Variants in PPP1R13L observed in about 807,000 individuals in gnomAD.
PPP1R13L encodes relA-associated inhibitor.
Under a neutral mutation model 80.9 loss-of-function variants are expected in PPP1R13L, and 50 were observed. The ratio of observed to expected loss-of-function variants is 0.62; its 90% CI spans 0.49 to 0.78. The LOEUF (loss-of-function observed/expected upper bound fraction) is 0.78, where lower values mean the gene tolerates loss of function less well. Among genes scored for constraint, PPP1R13L ranks in the 30% least tolerant of loss-of-function variants. The pLI is 0.00. For synonymous variants in PPP1R13L, 602 were observed against 534.3 expected (o/e 1.13, Z -1.75); for missense variants, 1,200 against 1,205.9 (o/e 1.00, Z 0.07).
chr19:45,392,589 TTG>T, intron 7 of PPP1R13L: 1 of 608,084 alleles, frequency 1.6e-6, no homozygotes, highest in Non-Finnish European at 3.0e-6. Context: ...CACCACTGCT[TTG>T]TGAGGTAGAT....
intron 12 of PPP1R13L, among the ~76,000 whole-genome samples, chr19:45,382,235 GAAAT>G (rs1339081867): frequency 1.3e-5 from 2 of 150,998 alleles, no homozygotes; most frequent in Admixed American, 1.3e-4. Context: ...CTCCGTTTCA[GAAAT>G]AAATAAATAA....
At chr19:45,391,809 T>A in intron 8 of PPP1R13L, 71 bp downstream of exon 8, 7 of 1,229,968 alleles carry the variant, frequency 5.7e-6, no homozygotes, top group Non-Finnish European at 6.5e-6. Flanking sequence ...CCACTATATT[T>A]GGGGGGCTCT....
chr19:45,383,293 CTTTTTT>C (rs1164667426), intron 11 of PPP1R13L, among the ~76,000 whole-genome samples: 9 of 62,826 alleles, frequency 1.4e-4, no homozygotes, highest in Admixed American at 4.2e-4. Flanking sequence ...CGCGCCCGGC[CTTTTTT>C]TTTTTTTTTT....
intron 1 of PPP1R13L, among the ~76,000 whole-genome samples, chr19:45,399,441 G>A (rs1212459868): frequency 2.0e-5 from 3 of 148,738 alleles, no homozygotes; most frequent in East Asian, 2.1e-4. Flanking sequence ...TGGCTAACAT[G>A]GTGAAACCCC....
chr19:45,392,398 T>C, intron 7 of PPP1R13L, 58 bp from the exon 8 acceptor site: 1 of 1,525,514 alleles, frequency 6.6e-7, no homozygotes, highest in Non-Finnish European at 9.1e-7. Context: ...CAACACTCCC[T>C]CTCCACAACT....
rs1972732684 is a variant in PPP1R13L at position 45,380,050 on chromosome 19, G to A, written c.*140C>T. 1.1e-6 allele frequency: 1 copy of A among 919,140 alleles called. No homozygotes were observed. Among genetic ancestry groups the A allele is most frequent in the Non-Finnish European group, 1.7e-6 (1 of 592,024 alleles). 56.9% of individuals were successfully genotyped at this position (919,140 alleles called of 1,614,324 possible). ...CCCTCCTTCTTCCCTGGACTTCCAG[G>A]AGAACAGAGAACCGGTGGCAAGGAC... On this transcript the variant is annotated 3_prime_UTR_variant, in exon 13 of 13. Transcript: ENST00000360957.
At position 45,392,174 on chromosome 19, in the gene PPP1R13L, C is replaced by T; in HGVS notation, c.1521G>A (p.Leu507=). The part of the protein sequence containing the change: ...LPPEAQSVPE[L]EEVARVLAEI... The stretch of plus-strand genomic sequence containing the variant: ...CCGCCAACACCCGTGCCACCTCCTC[C>T]AGCTCGGGCACCGACTGTGCCTCCG... Residue 507 remains leucine, a synonymous_variant, in exon 8 of 13, where the codon CTG becomes CTA. Transcript: ENST00000360957. The T allele has an allele frequency of 6.2e-7, 1 of 1,607,254 alleles. No individual in the cohort carries two copies. Among genetic ancestry groups the T allele is most frequent in the South Asian group, 1.1e-5 (1 of 90,552 alleles).
At position 45,391,971 on chromosome 19, in the gene PPP1R13L, G is replaced by T; in HGVS notation, c.1724C>A (p.Ala575Asp). 6.6e-7 allele frequency: 1 copy of T among 1,521,346 alleles called. No homozygotes were observed. The allele number at this position is 1,521,346 out of a possible 1,614,324, so 94.2% of individuals were successfully genotyped here. A position where few individuals can be genotyped will look rare whatever the true frequency, so the allele number is the denominator to read the frequency against. The stretch of plus-strand genomic sequence containing the variant: ...GGCAGGAGCAGGGGGCCCTGCCCTG[G>T]CCTCAGATCCCTCAGTGATGGGGGA... ...ELSPITEGSE[A>D]RAGPPAPAPP... Residue 575 changes from alanine to aspartate, a missense_variant, in exon 8 of 13, where the codon GCC becomes GAC. Around this residue, in one of 5 missense-constraint regions of PPP1R13L, gnomAD observed 214 missense variants for 199.6 expected, o/e 1.07. Transcript: ENST00000360957.
intron 8 of PPP1R13L, among the ~76,000 whole-genome samples, chr19:45,389,635 C>T (rs1034175466): frequency 6.6e-6 from 1 of 152,046 alleles, no homozygotes; most frequent in Non-Finnish European, 1.5e-5. Flanking sequence ...CACAGTGAAA[C>T]CCCATCTCTA....
At chr19:45,393,701 C>T (rs1156445892) in intron 7 of PPP1R13L, among the ~76,000 whole-genome samples, 7 of 151,992 alleles carry the variant, frequency 4.6e-5, no homozygotes, top group South Asian at 4.2e-4. Context: ...GATGAAACCC[C>T]GTCTCTACTA....
Position 45,392,087 on chromosome 19 carries a change from G to C in PPP1R13L, c.1608C>G (p.Pro536=). 1.3e-6 allele frequency: 2 copies of C among 1,542,552 alleles called. No individual in the cohort carries two copies. The highest frequency in any genetic ancestry group is 1.7e-6 in the Non-Finnish European group (2 of 1,144,752). Residue 536 remains proline (P), a synonymous_variant, in exon 8 of 13, where the codon CCC becomes CCG. Coordinates refer to ENST00000360957, the MANE Select transcript of PPP1R13L (RefSeq NM_006663.4). ...GCTGGTACTGTTTCTTGTGGGTAGG[G>C]GGCAGGGCCACAGCAGGGGCCTGCT... ...SMEQAPAVAL[P]PTHKKQYQQI...
chr19:45,404,999 G>T lies in PPP1R13L; in HGVS notation c.-22C>A. 1.0e-6 allele frequency: 1 copy of T among 985,898 alleles called. No individual in the cohort carries two copies. The highest frequency in any genetic ancestry group is 1.2e-6 in the Non-Finnish European group (1 of 829,954). 61.1% of individuals were successfully genotyped at this position (985,898 alleles called of 1,614,324 possible). On this transcript the variant is annotated splice_region_variant and 5_prime_UTR_variant, in exon 1 of 13. Transcript: ENST00000360957. Reference sequence around the variant, plus strand: ...TGGTCCCCAGGAGGGTGAAACTCACGGATCCGGGCAGATCCTGGCACCTGG... The same window carrying T: ...TGGTCCCCAGGAGGGTGAAACTCACTGATCCGGGCAGATCCTGGCACCTGG...
Position 45,392,304 on chromosome 19 carries a change from G to T in PPP1R13L, c.1391C>A (p.Pro464Gln). The T allele has an allele frequency of 6.2e-7, 1 of 1,613,564 alleles. No homozygotes were observed. The highest frequency in any genetic ancestry group is 8.5e-7 in the Non-Finnish European group (1 of 1,180,026). Reference protein sequence around the residue: ...PKPPTELEPEPEIEGLLTPVL... With the variant: ...PKPPTELEPEQEIEGLLTPVL... ...TGGTGTCAGCAGCCCCTCTATCTCC[G>T]GCTCAGGCTCCAGCTCGGTGGGGGG... The change falls in exon 8 of 13, where the codon CCG becomes CAG. Residue 464 changes from proline (P) to glutamine (Q), a missense_variant. Transcript: ENST00000360957.
chr19:45,396,657 A>C lies in PPP1R13L; in HGVS notation c.600T>G (p.Arg200=). ...TGGCAGGGGGGCGCGGTGACGGCCC[A>C]CGCTCGGGGAAGAAGGCCTGGGGCC... ...AEGPQAFFPE[R]GPSPRPPATA... is the part of the protein sequence containing the mutation. The change falls in exon 4 of 13, where the codon CGT becomes CGG. Residue 200 remains arginine (R), a synonymous_variant. Coordinates refer to ENST00000360957, the MANE Select transcript of PPP1R13L (RefSeq NM_006663.4). This position sits in a 1 kb window ranked among gnomAD's most constrained non-coding sequence, Gnocchi z 5.3. 1 of 1,463,168 alleles carries C rather than the reference A, an allele frequency of 6.8e-7. No homozygotes were observed. The highest frequency in any genetic ancestry group is 1.4e-5 in the South Asian group (1 of 70,180). The allele number at this position is 1,463,168 out of a possible 1,614,324, so 90.6% of individuals were successfully genotyped here. A position where few individuals can be genotyped will look rare whatever the true frequency, so the allele number is the denominator to read the frequency against.
Position 45,396,269 on chromosome 19 carries a change from G to C in PPP1R13L, c.812-10C>G. 1 of 1,612,628 alleles carries C rather than the reference G, an allele frequency of 6.2e-7. No homozygotes were observed. The highest frequency in any genetic ancestry group is 8.5e-7 in the Non-Finnish European group (1 of 1,179,816). ...GCGAAGACGTCCAGGCCTGCGGGGC[G>C]GGAATCATTAGGGTCTGTGGGGCTG... On this transcript the variant is annotated splice_polypyrimidine_tract_variant and intron_variant, in intron 5 of 12. Coordinates refer to ENST00000360957, the MANE Select transcript of PPP1R13L (RefSeq NM_006663.4). This position sits in a 1 kb window ranked among gnomAD's most constrained non-coding sequence, Gnocchi z 5.3.
chr19:45,394,393 A>G (rs1973039070), intron 7 of PPP1R13L, among the ~76,000 whole-genome samples: 1 of 151,868 alleles, frequency 6.6e-6, no homozygotes, highest in Non-Finnish European at 1.5e-5. Context: ...TCCTGTCTGC[A>G]TTAGCCCACC....
At position 45,385,739 on chromosome 19, in the gene PPP1R13L, G is replaced by T. The variant is rs776190912; in HGVS notation, c.2082-11C>A. The stretch of plus-strand genomic sequence containing the variant: ...CAGTGCAAGGGTGTCCTAGGCGTGG[G>T]GGTGGGGGGTTGCGGGGAACGATGC... On this transcript the variant is annotated splice_polypyrimidine_tract_variant and intron_variant, in intron 10 of 12. Transcript: ENST00000360957. The T allele has an allele frequency of 1.9e-6, 3 of 1,606,522 alleles. No individual in the cohort carries two copies. The South Asian group carries it at 3.3e-5, about 18-fold the overall frequency.
chr19:45,395,541 G>T lies in PPP1R13L; in HGVS notation c.1249C>A (p.Gln417Lys). 1 of 1,493,262 alleles carries T rather than the reference G, an allele frequency of 6.7e-7. No homozygotes were observed. The highest frequency in any genetic ancestry group is 8.9e-7 in the Non-Finnish European group (1 of 1,121,588). 92.5% of individuals were successfully genotyped at this position (1,493,262 alleles called of 1,614,324 possible). ...QPQPQPQPQP[Q>K]SQPQPQLPPQ... is the part of the protein sequence containing the mutation. ...GGCAGCTGGGGCTGTGGTTGTGATTGTGGCTGGGGCTGTGGTTGTGGTTGG... is the reference window on the plus strand; with the variant it reads ...GGCAGCTGGGGCTGTGGTTGTGATTTTGGCTGGGGCTGTGGTTGTGGTTGG... The change falls in exon 7 of 13, where the codon CAA becomes AAA. Residue 417 changes from glutamine (Q) to lysine (K), a missense_variant. Gln to Lys is a moderately conservative substitution (Grantham distance 53). This residue lies in a region of PPP1R13L where 764 missense variants were observed against 714.5 expected (regional missense o/e 1.07). Transcript: ENST00000360957.
At chr19:45,383,936 T>A (rs1210282837) in intron 11 of PPP1R13L, among the ~76,000 whole-genome samples, 1 of 151,918 alleles carries the variant, frequency 6.6e-6, no homozygotes, top group Non-Finnish European at 1.5e-5. Context: ...TAAATTGTTT[T>A]ATATTTTTAA....
Sources: allele counts gnomAD v4.1 joint callset (sites outside exome capture counted in the v4.1 genomes callset), GRCh38; gene constraint gnomAD v4.1.1; regional missense constraint gnomAD v4.1.1; non-coding constraint Gnocchi (gnomAD v3.1); transcripts MANE v1.5; gene names NCBI Gene and HGNC (gene_info 2026-07-23, HGNC 2026-07-21).